The following TAFA2 variants were observed in gnomAD, a reference collection of about 807,000 sequenced individuals.
TAFA2 encodes the protein TAFA chemokine like family member 2.
In TAFA2, 7 loss-of-function variants were observed where a neutral mutation model predicts 18.8. The observed-to-expected ratio is 0.37, with a 90% CI of 0.21 to 0.70. The LOEUF (loss-of-function observed/expected upper bound fraction) is 0.70, where lower values mean the gene tolerates loss of function less well. Among genes scored for constraint, TAFA2 ranks in the 30% least tolerant of loss-of-function variants. The probability of loss-of-function intolerance (pLI) is 0.53; values close to 1 mark genes in which losing one functional copy is unlikely to be tolerated. For synonymous variants in TAFA2, 60 were observed against 54.2 expected (o/e 1.11, Z -0.47); for missense variants, 122 against 158.1 (o/e 0.77, Z 1.23).
chr12:61,780,577 A>G (rs1480240511), intron 2 of TAFA2, among the ~76,000 whole-genome samples: 1 of 151,336 alleles, frequency 6.6e-6, no homozygotes, highest in Non-Finnish European at 1.5e-5. Context: ...AGGGCCCTGG[A>G]GCCATATATC....
chr12:62,238,050 C>T (rs1037622819), intron 1 of TAFA2, among the ~76,000 whole-genome samples: 5 of 152,174 alleles, frequency 3.3e-5, no homozygotes, highest in African/African-American at 1.2e-4. Flanking sequence ...TCCCTATAGG[C>T]ATTTGCAATG....
At chr12:62,056,372 A>G (rs1882188218) in intron 1 of TAFA2, among the ~76,000 whole-genome samples, 1 of 152,216 alleles carries the variant, frequency 6.6e-6, no homozygotes, top group Non-Finnish European at 1.5e-5. Flanking sequence ...ACTAACCACA[A>G]TATTTAGACA....
intron 4 of TAFA2, among the ~76,000 whole-genome samples, chr12:61,725,982 T>G (rs1365268962): frequency 6.6e-6 from 1 of 150,936 alleles, no homozygotes; most frequent in African/African-American, 2.4e-5. Context: ...ACTCTTTGGG[T>G]AATGGGTGCA....
intron 1 of TAFA2, among the ~76,000 whole-genome samples, chr12:61,877,903 T>C (rs55849369): frequency 6.9e-6 from 1 of 144,016 alleles, no homozygotes; most frequent in African/African-American, 2.6e-5. Flanking sequence ...ATTGTGATTT[T>C]TATATATATA....
chr12:61,867,434 T>TA lies in TAFA2; in HGVS notation c.-1-9dup. Reference sequence around the variant, plus strand: ...AAGTATCTCTTACTCATCCTGCAAATAAAAAAATAATAAAAATCATAAGTA... The same window carrying TA: ...AAGTATCTCTTACTCATCCTGCAAATAAAAAAAATAATAAAAATCATAAGTA... On this transcript the variant is annotated splice_polypyrimidine_tract_variant and intron_variant, in intron 1 of 4. Transcript: ENST00000416284. The TA allele has an allele frequency of 2.7e-6, 4 of 1,465,226 alleles. No individual in the cohort carries two copies. The highest frequency in any genetic ancestry group is 2.3e-5 in the East Asian group (1 of 44,044). 90.8% of individuals were successfully genotyped at this position (1,465,226 alleles called of 1,614,324 possible).
At chr12:61,976,117 C>T (rs1879425770) in intron 1 of TAFA2, among the ~76,000 whole-genome samples, 1 of 151,720 alleles carries the variant, frequency 6.6e-6, no homozygotes, top group Non-Finnish European at 1.5e-5. Flanking sequence ...CTTAGGCAAA[C>T]CTTTAAAAAA....
rs2062658799 is a variant in TAFA2, at chr12:62,198,638, T to C, written c.-130+60125A>G. Among the ~76,000 whole-genome samples, 6 of 152,344 alleles carry C rather than the reference T, an allele frequency of 3.9e-5. No individual in the cohort carries two copies. The South Asian group carries it at 1.0e-3, about 26-fold the overall frequency. Reference sequence around the variant, plus strand: ...TGATGTTAACCAAGTTATTTCTAACTTATGCAATAATGTGTCTCTCACTTA... The same window carrying C: ...TGATGTTAACCAAGTTATTTCTAACCTATGCAATAATGTGTCTCTCACTTA... On this transcript the variant is annotated intron_variant, in intron 1 of 5. Transcript: ENST00000551619.
chr12:62,257,936 T>C (rs1449020367), intron 1 of TAFA2, among the ~76,000 whole-genome samples: 1 of 152,164 alleles, frequency 6.6e-6, no homozygotes, highest in Non-Finnish European at 1.5e-5. Context: ...AAGCAGAATT[T>C]CCATAAACTG....
chr12:62,018,708 A>C (rs1881019819), intron 1 of TAFA2, among the ~76,000 whole-genome samples: 1 of 152,238 alleles, frequency 6.6e-6, no homozygotes, highest in South Asian at 2.1e-4. Context: ...TTAGACCTAA[A>C]ACCACAAAAA....
At position 62,027,968 on chromosome 12, in the gene TAFA2, T is replaced by C. The variant is rs1881352263; in HGVS notation, c.-1-160542A>G. Reference sequence around the variant, plus strand: ...TGGTTCCCTGTTATCCAACTAGCCTTCGTTTTCTATGTTGAAGGACTTTGA... The same window carrying C: ...TGGTTCCCTGTTATCCAACTAGCCTCCGTTTTCTATGTTGAAGGACTTTGA... On this transcript the variant is annotated intron_variant, in intron 1 of 4. Coordinates refer to ENST00000416284, the MANE Select transcript of TAFA2 (RefSeq NM_178539.5). 2.6e-5 allele frequency among the ~76,000 whole-genome samples: 4 copies of C among 152,262 alleles called. No homozygotes were observed. In the South Asian group the frequency reaches 8.3e-4, roughly 32 times the overall value.
At chr12:61,891,571 C>A (rs918933075) in intron 1 of TAFA2, among the ~76,000 whole-genome samples, 1 of 151,952 alleles carries the variant, frequency 6.6e-6, no homozygotes, top group Non-Finnish European at 1.5e-5. Flanking sequence ...TCGCTTGAAC[C>A]CGGGAGGCGG....
intron 1 of TAFA2, among the ~76,000 whole-genome samples, chr12:62,090,339 A>G (rs564368356): frequency 6.6e-6 from 1 of 152,134 alleles, no homozygotes. Flanking sequence ...AGTCATTTAC[A>G]CATCCATAAT....
intron 1 of TAFA2, among the ~76,000 whole-genome samples, chr12:62,005,033 T>C (rs1324414468): frequency 6.6e-6 from 1 of 151,794 alleles, no homozygotes. Flanking sequence ...GTGAGGGGGG[T>C]AAACTACATG....
At chr12:62,007,733 C>T (rs964240760) in intron 1 of TAFA2, among the ~76,000 whole-genome samples, 2 of 151,994 alleles carry the variant, frequency 1.3e-5, no homozygotes, top group African/African-American at 2.4e-5. Context: ...CATAACAATA[C>T]GGGGTACAGT....
At chr12:61,882,724 C>A (rs1177005420) in intron 1 of TAFA2, among the ~76,000 whole-genome samples, 3 of 152,210 alleles carry the variant, frequency 2.0e-5, no homozygotes, top group Non-Finnish European at 2.9e-5. Context: ...CTTGTGAATA[C>A]TCTATGCTAT....
chr12:61,830,325 C>T (rs1872670562), intron 2 of TAFA2, among the ~76,000 whole-genome samples: 3 of 150,334 alleles, frequency 2.0e-5, no homozygotes, highest in South Asian at 4.2e-4. Flanking sequence ...GTTATAAATG[C>T]TATATATATG....
At chr12:62,136,006 G>A (rs1870882345) in intron 1 of TAFA2, 1 of 152,048 alleles carries the variant, frequency 6.6e-6, no homozygotes, top group Admixed American at 6.6e-5. Flanking sequence ...CATGATGAAT[G>A]CTGATGAGAC....
chr12:62,012,494 T>C (rs1193439353), intron 1 of TAFA2, among the ~76,000 whole-genome samples: 5 of 152,206 alleles, frequency 3.3e-5, no homozygotes, highest in Non-Finnish European at 4.4e-5. Context: ...ATGGTCAAGA[T>C]GAGACATTTC....
chr12:62,105,638 G>C lies in TAFA2; in HGVS notation c.-2+85621C>G, dbSNP rs1869413768. ...CAGTGCTCATGTTAGAACTTATTTA[G>C]CTGATACATTTGGCTGATGACGCAT... On this transcript the variant is annotated intron_variant, in intron 1 of 4. Transcript: ENST00000416284. 2.6e-5 allele frequency among the ~76,000 whole-genome samples: 4 copies of C among 152,140 alleles called. No individual in the cohort carries two copies. In the South Asian group the frequency reaches 8.3e-4, roughly 32 times the overall value.
Sources: gnomAD v4.1 joint callset for allele counts (sites outside exome capture counted in the v4.1 genomes callset) on GRCh38, gnomAD v4.1.1 for gene constraint, MANE v1.5 for transcripts, NCBI Gene and HGNC (gene_info 2026-07-23, HGNC 2026-07-21) for gene names.